The following ZNF292 variants were observed in gnomAD, a reference collection of about 807,000 sequenced individuals.
ZNF292 encodes zinc finger protein 292, also known as 16 zinc-finger domain protein.
Under a neutral mutation model 217.9 loss-of-function variants are expected in ZNF292, and 26 were observed. The observed-to-expected ratio is 0.12, with a 90% CI of 0.09 to 0.17. ZNF292 has a LOEUF of 0.17. Ranked by LOEUF, ZNF292 falls within the 10% of genes least tolerant of loss-of-function variation. The probability of loss-of-function intolerance (pLI) is 1.00; values close to 1 mark genes in which losing one functional copy is unlikely to be tolerated. For synonymous variants in ZNF292, 1,257 were observed against 1,124.1 expected (o/e 1.12, Z -2.37); for missense variants, 2,904 against 3,175.2 (o/e 0.91, Z 2.05).
intron 1 of ZNF292, among the ~76,000 whole-genome samples, chr6:87,165,759 T>TTC (rs1484280385): frequency 7.0e-6 from 1 of 143,674 alleles, no homozygotes; most frequent in Non-Finnish European, 1.5e-5. Context: ...TTACATTTCT[T>TTC]TTTTTTTTTT....
chr6:87,203,561 G>C (rs1036123863), intron 1 of ZNF292, among the ~76,000 whole-genome samples: 6 of 151,726 alleles, frequency 4.0e-5, no homozygotes, highest in African/African-American at 1.5e-4. Flanking sequence ...CAGTCCTGAA[G>C]CCATTATGTG....
intron 7 of ZNF292, among the ~76,000 whole-genome samples, chr6:87,254,420 C>T (rs7758618): frequency 0.64 from 96,558 of 152,032 alleles, 32,367 homozygotes; most frequent in African/African-American, 0.86. Flanking sequence ...TTAAATAATT[C>T]CATACCAAAG....
chr6:87,244,475 AGCTGAGTTTCATAT>A (rs1260358131), intron 6 of ZNF292, among the ~76,000 whole-genome samples: 1 of 152,244 alleles, frequency 6.6e-6, no homozygotes, highest in Non-Finnish European at 1.5e-5. Flanking sequence ...AGGCATCAAA[AGCTGAGTTTCATAT>A]GCTAAGCAAA....
rs182075713 is a variant in ZNF292, at chr6:87,205,303, G to A, written c.169-10600G>A. Among the ~76,000 whole-genome samples, 1,433 of 152,126 alleles carry A rather than the reference G, an allele frequency of 9.4e-3. 19 individuals carry two copies. The highest frequency in any genetic ancestry group is 0.032 in the African/African-American group (1,349 of 41,520). On this transcript the variant is annotated intron_variant, in intron 1 of 7. Transcript: ENST00000369577. ...TGCTCTGGCTGGTCTCGAACCCCTG[G>A]CCTCAAATTATCCTCCCACCTTGGC...
At position 87,255,730 on chromosome 6, in the gene ZNF292, C is replaced by T. The variant is rs772671963; in HGVS notation, c.2101C>T (p.His701Tyr). The change falls in exon 8 of 8, where the codon CAT (histidine) becomes TAT (tyrosine). Residue 701 changes from histidine to tyrosine, a missense_variant. Coordinates refer to ENST00000369577, the MANE Select transcript of ZNF292 (RefSeq NM_015021.3). The stretch of plus-strand genomic sequence containing the variant: ...TAAGTACTTTAAAAATTTAATTGCT[C>T]ATGTGAAGGGGCATAAAGATAATGA... ...GFKYFKNLIA[H>Y]VKGHKDNEDA... 1 of 1,613,374 alleles carries T rather than the reference C, an allele frequency of 6.2e-7. No homozygotes were observed. Among genetic ancestry groups the T allele is most frequent in the East Asian group, 2.2e-5 (1 of 44,880 alleles).
chr6:87,158,160 G>T (rs984853263), intron 1 of ZNF292, among the ~76,000 whole-genome samples: 2 of 152,176 alleles, frequency 1.3e-5, no homozygotes, highest in African/African-American at 4.8e-5. Context: ...TGAAACAAAT[G>T]CTGGATTTGT....
chr6:87,191,723 G>C (rs1771827397), intron 1 of ZNF292, among the ~76,000 whole-genome samples: 1 of 152,180 alleles, frequency 6.6e-6, no homozygotes, highest in South Asian at 2.1e-4. Context: ...CTGGAGTGCA[G>C]TGGTGCAAGC....
intron 1 of ZNF292, among the ~76,000 whole-genome samples, chr6:87,164,304 C>G: frequency 6.6e-6 from 1 of 152,160 alleles, no homozygotes; most frequent in Admixed American, 6.6e-5. Flanking sequence ...GTAAGGTAGT[C>G]TGGATTTCTT....
intron 5 of ZNF292, among the ~76,000 whole-genome samples, chr6:87,235,209 T>G (rs1477757533): frequency 6.9e-6 from 1 of 145,052 alleles, no homozygotes; most frequent in Non-Finnish European, 1.5e-5. Flanking sequence ...TGCAGATGTA[T>G]AAAATTTATT....
rs775152074 is a variant in ZNF292 at position 87,258,115 on chromosome 6, A to G, written c.4486A>G (p.Thr1496Ala). The part of the protein sequence containing the change: ...GSEIIKQALE[T>A]AGIPSTFEGA... ...TGAAATTATTAAACAGGCTTTGGAA[A>G]CTGCTGGCATTCCCAGTACATTTGA... is the stretch of plus-strand genomic sequence containing the variant. The change falls in exon 8 of 8, where the codon ACT (threonine) becomes GCT (alanine). Residue 1496 changes from threonine to alanine, a missense_variant. This residue lies in a region of ZNF292 where 622 missense variants were observed against 573.1 expected (regional missense o/e 1.09). Coordinates refer to ENST00000369577, the MANE Select transcript of ZNF292 (RefSeq NM_015021.3). The G allele has an allele frequency of 3.1e-6, 5 of 1,612,822 alleles. No individual in the cohort carries two copies. In the Admixed American group the frequency reaches 8.4e-5, roughly 27 times the overall value.
chr6:87,251,441 G>A (rs539724454), intron 7 of ZNF292, among the ~76,000 whole-genome samples: 1 of 152,164 alleles, frequency 6.6e-6, no homozygotes, highest in Non-Finnish European at 1.5e-5. Context: ...AAGGCAATGG[G>A]AAGAGGGTAC....
rs71763831 is a variant in ZNF292 at position 87,238,615 on chromosome 6, GT to G, written c.742-4849del. Among the ~76,000 whole-genome samples the G allele has an allele frequency of 1.2e-3, 163 of 137,970 alleles. 3 individuals carry two copies. The highest frequency in any genetic ancestry group is 2.8e-3 in the African/African-American group (104 of 37,762). 90.5% of individuals were successfully genotyped at this position (137,970 alleles called of 152,430 possible). A position where few individuals can be genotyped will look rare whatever the true frequency, so the allele number is the denominator to read the frequency against. Reference sequence around the variant, plus strand: ...GAGTGCCTTAGGTTTTATTTTTTTGGTTTTTTTTTTTCAGTAAGTATTTATT... The same window carrying G: ...GAGTGCCTTAGGTTTTATTTTTTTGGTTTTTTTTTTCAGTAAGTATTTATT... On this transcript the variant is annotated intron_variant, in intron 5 of 7. Coordinates refer to ENST00000369577, the MANE Select transcript of ZNF292 (RefSeq NM_015021.3).
In ZNF292 at chr6:87,255,644, T is replaced by G; in HGVS notation, c.2015T>G (p.Val672Gly). 6.2e-7 allele frequency: 1 copy of G among 1,613,040 alleles called. No individual in the cohort carries two copies. The highest frequency in any genetic ancestry group is 8.5e-7 in the Non-Finnish European group (1 of 1,179,452). ...DKSYEPEVIPVQKPVPVNEFN... is the reference protein window; with the variant it reads ...DKSYEPEVIPGQKPVPVNEFN... ...TCCTATGAGCCAGAAGTGATTCCAG[T>G]CCAGAAACCAGTACCTGTTAATGAA... The change falls in exon 8 of 8, where the codon GTC (valine) becomes GGC (glycine). Residue 672 changes from valine to glycine, a missense_variant. Transcript: ENST00000369577.
Position 87,255,189 on chromosome 6 carries a change from G to C in ZNF292, c.1560G>C (p.Glu520Asp). 3 of 1,613,848 alleles carry C rather than the reference G, an allele frequency of 1.9e-6. No homozygotes were observed. Among genetic ancestry groups the C allele is most frequent in the Non-Finnish European group, 2.5e-6 (3 of 1,179,838 alleles). ...DIGDEKQKKR[E>D]IKQLRERGFI... ...GTGATGAAAAGCAGAAGAAGAGAGAGATAAAACAGTTAAGAGAGAGGGGAT... is the reference window on the plus strand; with the variant it reads ...GTGATGAAAAGCAGAAGAAGAGAGACATAAAACAGTTAAGAGAGAGGGGAT... Residue 520 changes from glutamate (E) to aspartate (D), a missense_variant, in exon 8 of 8, where the codon GAG becomes GAC. Around this residue, in one of 15 missense-constraint regions of ZNF292, gnomAD observed 87 missense variants for 99.6 expected, o/e 0.87. Coordinates refer to ENST00000369577, the MANE Select transcript of ZNF292 (RefSeq NM_015021.3).
intron 7 of ZNF292, among the ~76,000 whole-genome samples, chr6:87,247,385 C>G (rs1177195374): frequency 1.3e-5 from 2 of 152,040 alleles, no homozygotes. Flanking sequence ...AAAAATAATA[C>G]TGTCTAACAC....
chr6:87,240,339 G>C (rs986290933), intron 5 of ZNF292, among the ~76,000 whole-genome samples: 1 of 148,324 alleles, frequency 6.7e-6, no homozygotes, highest in African/African-American at 2.5e-5. Context: ...GAGGGAGACC[G>C]TGGAAAGAGA....
At chr6:87,203,782 G>T (rs1440034725) in intron 1 of ZNF292, among the ~76,000 whole-genome samples, 3 of 152,040 alleles carry the variant, frequency 2.0e-5, no homozygotes, top group Non-Finnish European at 4.4e-5. Flanking sequence ...CCATGGGTGG[G>T]GAAGGAGCTA....
intron 1 of ZNF292, among the ~76,000 whole-genome samples, chr6:87,167,872 A>G (rs937616388): frequency 3.3e-5 from 5 of 152,344 alleles, no homozygotes; most frequent in Admixed American, 2.0e-4. Context: ...TAAAGCAAAT[A>G]TGATTATCCA....
intron 5 of ZNF292, among the ~76,000 whole-genome samples, chr6:87,239,479 G>T (rs1163305602): frequency 5.3e-5 from 8 of 151,440 alleles, no homozygotes; most frequent in Non-Finnish European, 1.0e-4. Context: ...CGGCTGGCCG[G>T]GCGGGGGCTG....
Sources: allele counts gnomAD v4.1 joint callset (sites outside exome capture counted in the v4.1 genomes callset), GRCh38; gene constraint gnomAD v4.1.1; regional missense constraint gnomAD v4.1.1; transcripts MANE v1.5; gene names NCBI Gene and HGNC (gene_info 2026-07-23, HGNC 2026-07-21).